Variants in MECOM observed in about 807,000 individuals in gnomAD.
MECOM encodes MDS1 and EVI1 complex locus.
In MECOM, 13 loss-of-function variants were observed where a neutral mutation model predicts 116.3. That is an observed-to-expected ratio of 0.11 (90% CI 0.07 to 0.18). The LOEUF is 0.18. Among genes scored for constraint, MECOM ranks in the 10% least tolerant of loss-of-function variants. The probability of loss-of-function intolerance (pLI) is 1.00; values close to 1 mark genes in which losing one functional copy is unlikely to be tolerated. For synonymous variants in MECOM, 528 were observed against 535.2 expected, an observed-to-expected ratio of 0.99 and a Z score of 0.19; for missense variants, 1,299 against 1,509.0, an observed-to-expected ratio of 0.86 and a Z score of 2.31.
chr3:169,502,505 G>C (rs1164244617), intron 1 of MECOM, among the ~76,000 whole-genome samples: 1 of 151,938 alleles, frequency 6.6e-6, no homozygotes, highest in African/African-American at 2.4e-5. Flanking sequence ...AGTGTCTGTT[G>C]ACTGCAACCA....
chr3:169,143,865 C>T (rs1051955605), intron 2 of MECOM, 33 bp from the exon 3 acceptor site: 8 of 1,553,710 alleles, frequency 5.1e-6, no homozygotes, highest in Middle Eastern at 1.7e-4. Flanking sequence ...AATCAATTGC[C>T]ATATTGGCCC....
intron 2 of MECOM, among the ~76,000 whole-genome samples, chr3:169,149,935 C>CTCTGTG (rs1226990755): frequency 1.5e-5 from 2 of 131,312 alleles, no homozygotes; most frequent in East Asian, 2.3e-4. Flanking sequence ...TTCTCTCTCT[C>CTCTGTG]TGTGTGTGTG....
intron 1 of MECOM, among the ~76,000 whole-genome samples, chr3:169,630,312 A>G (rs1771929115): frequency 6.6e-6 from 1 of 152,130 alleles, no homozygotes; most frequent in Non-Finnish European, 1.5e-5. Context: ...GCACCCAGTG[A>G]GTGGCTACCT....
chr3:169,373,551 A>T (rs935080981), intron 2 of MECOM, among the ~76,000 whole-genome samples: 1 of 151,976 alleles, frequency 6.6e-6, no homozygotes, highest in African/African-American at 2.4e-5. Context: ...GACGTGGGGC[A>T]GTTTTTTCTT....
chr3:169,162,342 A>G (rs536531985), intron 2 of MECOM, among the ~76,000 whole-genome samples: 1 of 152,352 alleles, frequency 6.6e-6, no homozygotes, highest in East Asian at 1.9e-4. Flanking sequence ...GTCCCATGCA[A>G]TCTATTTAGA....
chr3:169,187,349 G>A (rs1237194062), intron 2 of MECOM, among the ~76,000 whole-genome samples: 2 of 152,092 alleles, frequency 1.3e-5, no homozygotes, highest in African/African-American at 2.4e-5. Context: ...AAGGAGTTAA[G>A]TTTCACTTAG....
intron 1 of MECOM, among the ~76,000 whole-genome samples, chr3:169,427,281 A>G (rs1271008182): frequency 6.6e-6 from 1 of 151,684 alleles, no homozygotes; most frequent in Non-Finnish European, 1.5e-5. Context: ...AAGTGCTGTT[A>G]TTTTTAGCTC....
intron 1 of MECOM, among the ~76,000 whole-genome samples, chr3:169,569,801 C>A (rs1287857721): frequency 6.6e-6 from 1 of 152,060 alleles, no homozygotes; most frequent in African/African-American, 2.4e-5. Flanking sequence ...ACTTTGAGAA[C>A]AAAGACACAA....
At position 169,093,100 on chromosome 3, in the gene MECOM, T is replaced by C. The variant is rs1385799770; in HGVS notation, c.3022A>G (p.Thr1008Ala). Residue 1008 changes from threonine to alanine, a missense_variant and splice_region_variant, in exon 14 of 17, where the codon ACA (threonine) becomes GCA (alanine). Physicochemically the swap from Thr to Ala is moderately conservative, Grantham distance 58 (BLOSUM62 0). Coordinates refer to ENST00000651503, the MANE Select transcript of MECOM (RefSeq NM_004991.4). ...TCAGAATGAGGCGACGATGTTGCTGTACCTGTGTGGAGCAGAAAGCCTTTT... is the reference window on the plus strand; with the variant it reads ...TCAGAATGAGGCGACGATGTTGCTGCACCTGTGTGGAGCAGAAAGCCTTTT... ...KKHENGNMSG[T>A]ATSSPHSELE... 6 of 1,601,788 alleles carry C rather than the reference T, an allele frequency of 3.7e-6. No homozygotes were observed.
chr3:169,393,405 T>C (rs1734533434), intron 1 of MECOM, among the ~76,000 whole-genome samples: 1 of 152,070 alleles, frequency 6.6e-6, no homozygotes, highest in Admixed American at 6.6e-5. Context: ...ATGTATACAA[T>C]AATCAAAGTA....
At chr3:169,612,659 G>A (rs1323274794) in intron 1 of MECOM, among the ~76,000 whole-genome samples, 2 of 152,008 alleles carry the variant, frequency 1.3e-5, no homozygotes, top group Non-Finnish European at 2.9e-5. Context: ...CCAGGAAATT[G>A]TGTTTTGCCA....
chr3:169,546,856 G>T (rs992603624), intron 1 of MECOM, among the ~76,000 whole-genome samples: 10 of 152,164 alleles, frequency 6.6e-5, no homozygotes, highest in Non-Finnish European at 1.5e-4. Flanking sequence ...AATCCAAAGG[G>T]GGTTCCTAGA....
intron 1 of MECOM, among the ~76,000 whole-genome samples, chr3:169,408,805 T>C (rs1048133619): frequency 1.3e-5 from 2 of 152,108 alleles, no homozygotes. Context: ...AGTTTTATAT[T>C]CATCTGTTAA....
intron 1 of MECOM, among the ~76,000 whole-genome samples, chr3:169,581,113 G>A (rs1487748355): frequency 3.3e-5 from 5 of 152,248 alleles, no homozygotes; most frequent in Admixed American, 2.0e-4. Context: ...ATAACACAGA[G>A]GCTATGCTCA....
chr3:169,471,751 A>T (rs1192391386), intron 1 of MECOM, among the ~76,000 whole-genome samples: 1 of 152,138 alleles, frequency 6.6e-6, no homozygotes, highest in African/African-American at 2.4e-5. Context: ...ATAATTTTGG[A>T]GGCAAACAAA....
intron 2 of MECOM, among the ~76,000 whole-genome samples, chr3:169,213,019 A>G (rs1034060628): frequency 1.3e-5 from 2 of 151,440 alleles, no homozygotes; most frequent in African/African-American, 4.9e-5. Context: ...TGTCTGTCAA[A>G]ATGTCACTTG....
intron 1 of MECOM, among the ~76,000 whole-genome samples, chr3:169,487,503 A>G (rs1272349590): frequency 6.6e-6 from 1 of 152,164 alleles, no homozygotes; most frequent in African/African-American, 2.4e-5. Context: ...ATTTGTGCTT[A>G]TTTAAGAAAA....
chr3:169,444,595 C>CT (rs1183119517), intron 1 of MECOM, among the ~76,000 whole-genome samples: 2 of 152,210 alleles, frequency 1.3e-5, no homozygotes, highest in African/African-American at 2.4e-5. Context: ...TCAATTAAAC[C>CT]TTTTTTTCTT....
At chr3:169,393,668 CA>C (rs1316869474) in intron 1 of MECOM, among the ~76,000 whole-genome samples, 13 of 152,212 alleles carry the variant, frequency 8.5e-5, no homozygotes, top group African/African-American at 3.1e-4. Flanking sequence ...AACAATATCT[CA>C]GTGATTTTTT....
Sources: allele counts gnomAD v4.1 joint callset (sites outside exome capture counted in the v4.1 genomes callset), GRCh38; gene constraint gnomAD v4.1.1; transcripts MANE v1.5; gene names NCBI Gene and HGNC (gene_info 2026-07-23, HGNC 2026-07-21).